CSMD3: variants seen among roughly 807,000 people sequenced by gnomAD.
The protein encoded by CSMD3 is CUB and Sushi multiple domains 3, also known as CUB and sushi domain-containing protein 3.
In CSMD3, 177 loss-of-function variants were observed where a neutral mutation model predicts 435.2. That is an observed-to-expected ratio of 0.41 (90% CI 0.36 to 0.46). CSMD3 has a LOEUF of 0.46. Ranked by LOEUF, CSMD3 falls within the 20% of genes least tolerant of loss-of-function variation. CSMD3 has a pLI of 0.34. For synonymous variants in CSMD3, 1,656 were observed against 1,520.5 expected (o/e 1.09, Z -2.07); for missense variants, 4,265 against 4,504.6 (o/e 0.95, Z 1.52).
chr8:112,767,972 G>A (rs2078020704), intron 13 of CSMD3, among the ~76,000 whole-genome samples: 1 of 151,704 alleles, frequency 6.6e-6, no homozygotes, highest in South Asian at 2.1e-4. Flanking sequence ...TAATCTCTGG[G>A]CCCAATTTAG....
At chr8:112,539,800 A>G (rs1314397187) in intron 27 of CSMD3, among the ~76,000 whole-genome samples, 5 of 152,246 alleles carry the variant, frequency 3.3e-5, no homozygotes, top group Non-Finnish European at 5.9e-5. Flanking sequence ...TGAAACTACC[A>G]GAAGAAAACA....
At chr8:112,817,965 A>C (rs1480665820) in intron 12 of CSMD3, among the ~76,000 whole-genome samples, 1 of 152,022 alleles carries the variant, frequency 6.6e-6, no homozygotes, top group Admixed American at 6.6e-5. Context: ...TAAGTTAGCA[A>C]ATTACAAAAA....
intron 13 of CSMD3, among the ~76,000 whole-genome samples, chr8:112,791,274 A>G (rs900571348): frequency 7.1e-6 from 1 of 141,770 alleles, no homozygotes; most frequent in African/African-American, 2.6e-5. Flanking sequence ...GTGAGCTGAG[A>G]TTGTGCCACT....
intron 1 of CSMD3, among the ~76,000 whole-genome samples, chr8:113,323,011 G>T (rs1305503796): frequency 6.6e-6 from 1 of 152,150 alleles, no homozygotes; most frequent in Non-Finnish European, 1.5e-5. Context: ...GCCTCCCAAA[G>T]TGCTTGGATT....
chr8:112,839,324 C>T (rs946678697), intron 11 of CSMD3, among the ~76,000 whole-genome samples: 15 of 151,696 alleles, frequency 9.9e-5, no homozygotes, highest in African/African-American at 3.6e-4. Context: ...GTAACAATGA[C>T]AGATTACATA....
At position 112,863,744 on chromosome 8, in the gene CSMD3, T is replaced by TA. The variant is rs548596172; in HGVS notation, c.1634-4479dup. 3.8e-3 allele frequency among the ~76,000 whole-genome samples: 580 copies of TA among 152,168 alleles called. 2 individuals carry two copies. The highest frequency in any genetic ancestry group is 0.013 in the African/African-American group (560 of 41,526). ...TTTGCCTCTTCAATGGAGCCTTTAG[T>TA]AACACAAAGGAAATAAATAAACGTG... On this transcript the variant is annotated intron_variant, in intron 10 of 70. Coordinates refer to ENST00000297405, the MANE Select transcript of CSMD3 (RefSeq NM_198123.2).
chr8:112,225,693 A>G (rs1812492644), intron 70 of CSMD3, among the ~76,000 whole-genome samples: 2 of 152,196 alleles, frequency 1.3e-5, no homozygotes, highest in Admixed American at 1.3e-4. Context: ...TTTATTTTTT[A>G]AATGGTATAC....
At chr8:112,739,955 T>G (rs1291296914) in intron 13 of CSMD3, among the ~76,000 whole-genome samples, 1 of 151,808 alleles carries the variant, frequency 6.6e-6, no homozygotes, top group Non-Finnish European at 1.5e-5. Flanking sequence ...GGAAATGTGA[T>G]ACCACAGGAG....
intron 3 of CSMD3, among the ~76,000 whole-genome samples, chr8:113,275,452 G>A (rs1206169538): frequency 6.6e-6 from 1 of 152,068 alleles, no homozygotes; most frequent in Non-Finnish European, 1.5e-5. Flanking sequence ...CTCAGAATAT[G>A]TAAGTGGGGC....
intron 3 of CSMD3, among the ~76,000 whole-genome samples, chr8:113,194,149 G>A (rs533528041): frequency 1.7e-4 from 25 of 151,382 alleles, no homozygotes; most frequent in Non-Finnish European, 2.5e-4. Context: ...GGTGTTTAAC[G>A]TGATAAAACA....
In CSMD3 at chr8:112,975,699, T is replaced by C. The variant is rs73347953; in HGVS notation, c.1342+138A>G. ...TTCCAGTTTTGGTTGTTACTATCCA[T>C]ATTTTTCAGCTACTTTGAACTTTTT... On this transcript the variant is annotated intron_variant, in intron 7 of 70. Coordinates refer to ENST00000297405, the MANE Select transcript of CSMD3 (RefSeq NM_198123.2). The C allele has an allele frequency of 1.7e-3, 2,248 of 1,325,456 alleles. 40 individuals carry two copies. The African/African-American group carries it at 0.028, about 17-fold the overall frequency. 82.1% of individuals were successfully genotyped at this position (1,325,456 alleles called of 1,614,324 possible).
At chr8:112,804,220 C>A (rs1040659264) in intron 12 of CSMD3, among the ~76,000 whole-genome samples, 1 of 151,896 alleles carries the variant, frequency 6.6e-6, no homozygotes, top group Non-Finnish European at 1.5e-5. Context: ...TGATGACTAT[C>A]CAAATTCAAA....
intron 21 of CSMD3, among the ~76,000 whole-genome samples, chr8:112,638,193 T>TTATA (rs61375919): frequency 4.1e-5 from 6 of 146,532 alleles, no homozygotes; most frequent in South Asian, 2.1e-4. Flanking sequence ...TATTTATTAA[T>TTATA]TATATATATA....
chr8:112,708,405 ACT>A (rs1470403439), intron 13 of CSMD3, among the ~76,000 whole-genome samples: 2 of 151,992 alleles, frequency 1.3e-5, no homozygotes, highest in African/African-American at 4.8e-5. Context: ...AAGAAACAAA[ACT>A]AAAACTAATC....
chr8:113,161,771 C>G (rs2092044593), intron 4 of CSMD3, among the ~76,000 whole-genome samples: 1 of 152,064 alleles, frequency 6.6e-6, no homozygotes, highest in Non-Finnish European at 1.5e-5. Context: ...CCAAATTGTT[C>G]AAAATATCTT....
intron 13 of CSMD3, among the ~76,000 whole-genome samples, chr8:112,705,845 T>C (rs1390194714): frequency 6.6e-6 from 1 of 152,150 alleles, no homozygotes; most frequent in African/African-American, 2.4e-5. Context: ...GCATTTCTTA[T>C]ATATTCTGAC....
intron 9 of CSMD3, among the ~76,000 whole-genome samples, chr8:112,926,240 A>ATGTG (rs71309796): frequency 0.69 from 104,185 of 150,228 alleles, 36,305 homozygotes; most frequent in East Asian, 0.76. Context: ...CTCATTAAAT[A>ATGTG]TGTGTGTGTG....
chr8:112,829,909 A>G (rs1394765507), intron 11 of CSMD3, 120 bp from the exon 12 acceptor site: 2 of 643,412 alleles, frequency 3.1e-6, no homozygotes, highest in Non-Finnish European at 5.6e-6. Context: ...ACACACACAC[A>G]CACACACACA....
intron 1 of CSMD3, among the ~76,000 whole-genome samples, chr8:113,376,423 CA>C (rs1370871278): frequency 5.9e-5 from 9 of 151,774 alleles, no homozygotes; most frequent in Non-Finnish European, 7.4e-5. Context: ...ATAATAATAA[CA>C]AAAAATATAT....
Sources: gnomAD v4.1 joint callset for allele counts (sites outside exome capture counted in the v4.1 genomes callset) on GRCh38, gnomAD v4.1.1 for gene constraint, MANE v1.5 for transcripts, NCBI Gene and HGNC (gene_info 2026-07-23, HGNC 2026-07-21) for gene names.